The following STAU2 variants were observed in gnomAD, a reference collection of about 807,000 sequenced individuals.
The protein encoded by STAU2 is double-stranded RNA-binding protein Staufen homolog 2.
A neutral mutation model predicts 65.9 loss-of-function variants in STAU2; 20 were observed. That is an observed-to-expected ratio of 0.30 (90% CI 0.21 to 0.44). STAU2 has a LOEUF of 0.44. Ranked by LOEUF, STAU2 falls within the 20% of genes least tolerant of loss-of-function variation. STAU2 has a pLI of 1.00. For missense variants in STAU2, 558 were observed against 683.9 expected (o/e 0.82, Z 2.05); for synonymous variants, 232 against 233.9 (o/e 0.99, Z 0.07).
intron 6 of STAU2, 139 bp downstream of exon 6, chr8:73,672,968 G>T: frequency 1.4e-6 from 1 of 732,466 alleles, no homozygotes; most frequent in Non-Finnish European, 1.9e-6. Flanking sequence ...TATTCCTTGT[G>T]AACCTGCTTT....
At chr8:73,725,887 C>T (rs567232708) in intron 3 of STAU2, among the ~76,000 whole-genome samples, 1 of 152,248 alleles carries the variant, frequency 6.6e-6, no homozygotes, top group African/African-American at 2.4e-5. Flanking sequence ...GAGCCATCAT[C>T]GTGCCACTGC....
At chr8:73,668,111 CA>C (rs1817366714) in intron 6 of STAU2, among the ~76,000 whole-genome samples, 1 of 151,924 alleles carries the variant, frequency 6.6e-6, no homozygotes, top group South Asian at 2.1e-4. Context: ...CAGTTTACTC[CA>C]AGTGTTTGTG....
At chr8:73,433,257 T>A (rs1817434580) in intron 13 of STAU2, among the ~76,000 whole-genome samples, 1 of 151,546 alleles carries the variant, frequency 6.6e-6, no homozygotes, top group Non-Finnish European at 1.5e-5. Context: ...CAGGCTGGAG[T>A]GCAATGGTGC....
At chr8:73,527,369 T>A (rs942158587) in intron 13 of STAU2, 1 of 212,272 alleles carries the variant, frequency 4.7e-6, no homozygotes, top group Non-Finnish European at 9.7e-6. Flanking sequence ...TCCAGTGTTA[T>A]CTATATTGTT....
chr8:73,465,146 C>A (rs1819579619), intron 13 of STAU2, among the ~76,000 whole-genome samples: 1 of 152,136 alleles, frequency 6.6e-6, no homozygotes. Context: ...AGAAATGAGC[C>A]CACCCCGGCC....
chr8:73,605,693 G>C (rs909305023), intron 9 of STAU2, among the ~76,000 whole-genome samples: 1 of 150,352 alleles, frequency 6.7e-6, no homozygotes, highest in African/African-American at 2.4e-5. Context: ...AAAATTTTGG[G>C]GGAAAAAAAA....
rs146981467 is a variant in STAU2, at chr8:73,689,666, G to A, written c.115-853C>T. Among the ~76,000 whole-genome samples the A allele has an allele frequency of 1.8e-3, 272 of 152,072 alleles. 7 individuals are homozygous for A. The East Asian group carries it at 0.041, about 23-fold the overall frequency. On this transcript the variant is annotated intron_variant, in intron 4 of 14. Coordinates refer to ENST00000524300, the MANE Select transcript of STAU2 (RefSeq NM_001164380.2). ...TTCAGAATCAAGTTACATGATATGCGCATAATTGGTTTCACTCCAGACTGC... is the reference window on the plus strand; with the variant it reads ...TTCAGAATCAAGTTACATGATATGCACATAATTGGTTTCACTCCAGACTGC...
At position 73,519,522 on chromosome 8, in the gene STAU2, T is replaced by G. The variant is rs372785518; in HGVS notation, c.1530+32490A>C. On this transcript the variant is annotated intron_variant, in intron 13 of 14. Transcript: ENST00000524300. ...AGTTATAAACAGAGAAAAGAACTAATGGAGATATTATGATGGATTTCTAAG... is the reference window on the plus strand; with the variant it reads ...AGTTATAAACAGAGAAAAGAACTAAGGGAGATATTATGATGGATTTCTAAG... Among the ~76,000 whole-genome samples the G allele has an allele frequency of 5.9e-4, 90 of 152,208 alleles. No individual in the cohort carries two copies. The South Asian group carries it at 0.018, about 30-fold the overall frequency.
chr8:73,671,381 AAAAC>A (rs1259907798), intron 6 of STAU2, among the ~76,000 whole-genome samples: 6 of 150,208 alleles, frequency 4.0e-5, no homozygotes, highest in South Asian at 4.3e-4. Context: ...CTTCATCTAA[AAAAC>A]AAACAAACAA....
At chr8:73,591,428 G>T (rs566244027) in intron 11 of STAU2, among the ~76,000 whole-genome samples, 1 of 152,020 alleles carries the variant, frequency 6.6e-6, no homozygotes, top group East Asian at 1.9e-4. Flanking sequence ...AAAGGGCAAA[G>T]TTTGTCAAAT....
chr8:73,727,127 G>A (rs542435923), intron 3 of STAU2, among the ~76,000 whole-genome samples: 252 of 152,244 alleles, frequency 1.7e-3, no homozygotes, highest in African/African-American at 5.8e-3. Flanking sequence ...CTACTGAGGA[G>A]GCTGAGGCAG....
chr8:73,688,831 A>G lies in STAU2; in HGVS notation c.115-18T>C, dbSNP rs1819130542. On this transcript the variant is annotated intron_variant, in intron 4 of 14. Transcript: ENST00000524300. ...GAGAACATCTTAGAAAAACATAAAT[A>G]GACAAAGAAAACATTAAGACTTTTC... is the stretch of plus-strand genomic sequence containing the variant. 6.2e-7 allele frequency: 1 copy of G among 1,607,090 alleles called. No individual in the cohort carries two copies. The highest frequency in any genetic ancestry group is 8.5e-7 in the Non-Finnish European group (1 of 1,176,806).
At chr8:73,497,235 A>T (rs1275657261) in intron 13 of STAU2, among the ~76,000 whole-genome samples, 2 of 151,730 alleles carry the variant, frequency 1.3e-5, no homozygotes, top group African/African-American at 2.4e-5. Context: ...TTCACATTCT[A>T]TGATGCAGAT....
chr8:73,627,233 A>AGGG (rs1563467228), intron 6 of STAU2, among the ~76,000 whole-genome samples: 12 of 5,084 alleles, frequency 2.4e-3, no homozygotes, highest in Admixed American at 4.7e-3. Context: ...AGGGGGGGGC[A>AGGG]GGAGGGCGGG....
chr8:73,534,405 T>TA (rs1806047756), intron 13 of STAU2, among the ~76,000 whole-genome samples: 2 of 152,250 alleles, frequency 1.3e-5, no homozygotes, highest in Admixed American at 1.3e-4. Flanking sequence ...ATAAGTAGAT[T>TA]AAGTTGGTTT....
chr8:73,537,815 T>C (rs1357509783), intron 13 of STAU2, among the ~76,000 whole-genome samples: 1 of 152,238 alleles, frequency 6.6e-6, no homozygotes, highest in East Asian at 1.9e-4. Flanking sequence ...TTTTGAAGTT[T>C]CTAAATTATA....
At chr8:73,641,070 T>A (rs2130126317) in intron 6 of STAU2, among the ~76,000 whole-genome samples, 1 of 152,294 alleles carries the variant, frequency 6.6e-6, no homozygotes, top group East Asian at 1.9e-4. Flanking sequence ...GATACAAAGT[T>A]ATTAGTTATA....
intron 4 of STAU2, among the ~76,000 whole-genome samples, chr8:73,695,342 A>T (rs1211144680): frequency 6.7e-6 from 1 of 149,298 alleles, no homozygotes; most frequent in Non-Finnish European, 1.5e-5. Context: ...CCAAGATAAC[A>T]TTTGTAGACA....
intron 13 of STAU2, among the ~76,000 whole-genome samples, chr8:73,441,790 T>C (rs1288167811): frequency 6.6e-6 from 1 of 152,252 alleles, no homozygotes; most frequent in Admixed American, 6.5e-5. Flanking sequence ...AGTAAGTAGC[T>C]GCTGAATGTT....
Sources: allele counts gnomAD v4.1 joint callset (sites outside exome capture counted in the v4.1 genomes callset), GRCh38; gene constraint gnomAD v4.1.1; transcripts MANE v1.5; gene names NCBI Gene and HGNC (gene_info 2026-07-23, HGNC 2026-07-21).